The following RIN3 variants were observed in gnomAD, a reference collection of about 807,000 sequenced individuals.
The protein encoded by RIN3 is Ras and Rab interactor 3, also known as RAB5 interacting protein 3.
Under a neutral mutation model 76.3 loss-of-function variants are expected in RIN3, and 54 were observed. That is an observed-to-expected ratio of 0.71 (90% CI 0.57 to 0.89). The LOEUF is 0.89. Among genes scored for constraint, RIN3 ranks in the 40% least tolerant of loss-of-function variants. The pLI, the probability that RIN3 is intolerant of heterozygous loss-of-function variation, is 0.00. For synonymous variants in RIN3, 576 were observed against 564.0 expected (o/e 1.02, Z -0.30); for missense variants, 1,256 against 1,322.1 (o/e 0.95, Z 0.78).
chr14:92,559,489 T>C (rs542371955), intron 2 of RIN3, among the ~76,000 whole-genome samples: 2 of 152,338 alleles, frequency 1.3e-5, no homozygotes, highest in East Asian at 1.9e-4. Flanking sequence ...ATATGAGCCA[T>C]GTTTATAAAG....
chr14:92,556,035 C>T, intron 2 of RIN3, 80 bp downstream of exon 2: 1 of 1,155,356 alleles, frequency 8.7e-7, no homozygotes, highest in Non-Finnish European at 1.3e-6. Flanking sequence ...CCCTGGCTCC[C>T]ACAGGGAAGC....
At chr14:92,658,793 C>T (rs1887766892) in intron 6 of RIN3, among the ~76,000 whole-genome samples, 1 of 152,152 alleles carries the variant, frequency 6.6e-6, no homozygotes, top group African/African-American at 2.4e-5. Flanking sequence ...GCATTCAGGC[C>T]ATCAGCATAC....
intron 5 of RIN3, among the ~76,000 whole-genome samples, chr14:92,647,636 G>T (rs574677176): frequency 6.6e-6 from 1 of 152,246 alleles, no homozygotes; most frequent in South Asian, 2.1e-4. Context: ...TCTTTGGGAT[G>T]CCACATGAAT....
intron 8 of RIN3, among the ~76,000 whole-genome samples, chr14:92,683,889 A>G (rs998231445): frequency 1.3e-5 from 2 of 152,232 alleles, no homozygotes; most frequent in African/African-American, 4.8e-5. Context: ...ATTCTAAAGC[A>G]TATCAAAGTT....
chr14:92,540,921 A>G (rs1405303847), intron 1 of RIN3, among the ~76,000 whole-genome samples: 1 of 152,248 alleles, frequency 6.6e-6, no homozygotes, highest in Non-Finnish European at 1.5e-5. Context: ...TCTCCCAGGC[A>G]GAGCCCCTGG....
At chr14:92,523,015 T>C (rs1896640059) in intron 1 of RIN3, among the ~76,000 whole-genome samples, 1 of 152,182 alleles carries the variant, frequency 6.6e-6, no homozygotes, top group Admixed American at 6.5e-5. Flanking sequence ...AACAATATAT[T>C]ATAGTAAGGG....
chr14:92,624,102 G>A (rs1194730216), intron 4 of RIN3, among the ~76,000 whole-genome samples: 2 of 152,252 alleles, frequency 1.3e-5, no homozygotes, highest in African/African-American at 4.8e-5. Context: ...TTTAGACTGC[G>A]AACGGAATAT....
At chr14:92,519,903 C>T (rs1345965408) in intron 1 of RIN3, among the ~76,000 whole-genome samples, 1 of 152,180 alleles carries the variant, frequency 6.6e-6, no homozygotes, top group Non-Finnish European at 1.5e-5. Flanking sequence ...GTGGTGTCAG[C>T]GTTTATACAA....
chr14:92,602,093 G>A (rs1335133542), intron 3 of RIN3, among the ~76,000 whole-genome samples: 1 of 152,236 alleles, frequency 6.6e-6, no homozygotes, highest in Admixed American at 6.5e-5. Flanking sequence ...TGTGAAGCAT[G>A]CGAGATGGTC....
intron 7 of RIN3, 44 bp from the exon 8 acceptor site, chr14:92,676,431 G>A: frequency 1.2e-6 from 2 of 1,602,628 alleles, no homozygotes; most frequent in Non-Finnish European, 1.7e-6. Flanking sequence ...ATCTCACAAG[G>A]AGAGCCTGGA....
At chr14:92,644,421 A>T (rs1462698026) in intron 5 of RIN3, 14 of 143,280 alleles carry the variant, frequency 9.8e-5, no homozygotes, top group African/African-American at 2.3e-4. Context: ...TTTTTTTTTT[A>T]AAGGCGATGT....
chr14:92,573,759 G>T (rs1216433379), intron 2 of RIN3, among the ~76,000 whole-genome samples: 1 of 152,186 alleles, frequency 6.6e-6, no homozygotes, highest in Non-Finnish European at 1.5e-5. Flanking sequence ...CTCACACACT[G>T]CTGGTTCCCA....
intron 3 of RIN3, among the ~76,000 whole-genome samples, chr14:92,589,545 G>T (rs1884905010): frequency 6.6e-6 from 1 of 152,128 alleles, no homozygotes; most frequent in Non-Finnish European, 1.5e-5. Context: ...GAACCCAGTG[G>T]ATCCAAATTA....
At chr14:92,583,876 C>T (rs1033553985) in intron 3 of RIN3, among the ~76,000 whole-genome samples, 1 of 152,166 alleles carries the variant, frequency 6.6e-6, no homozygotes, top group Non-Finnish European at 1.5e-5. Context: ...CATAAGGAGC[C>T]TGCAACCGGG....
intron 2 of RIN3, among the ~76,000 whole-genome samples, chr14:92,561,282 C>T (rs1345216702): frequency 2.6e-5 from 4 of 150,996 alleles, no homozygotes; most frequent in East Asian, 3.9e-4. Flanking sequence ...TTGTGTCTAG[C>T]GCTGGTGCTC....
At chr14:92,640,762 G>T (rs921504426) in intron 4 of RIN3, among the ~76,000 whole-genome samples, 25 of 148,074 alleles carry the variant, frequency 1.7e-4, no homozygotes, top group Non-Finnish European at 3.1e-4. Flanking sequence ...CTGACTGTGT[G>T]TTCATCGGGG....
chr14:92,572,955 C>G (rs902845962), intron 2 of RIN3, among the ~76,000 whole-genome samples: 1 of 143,656 alleles, frequency 7.0e-6, no homozygotes, highest in Non-Finnish European at 1.5e-5. Context: ...AATCTTGGCT[C>G]ACTGCAACCT....
intron 3 of RIN3, among the ~76,000 whole-genome samples, chr14:92,598,132 G>T (rs1451606451): frequency 1.3e-5 from 2 of 152,164 alleles, no homozygotes; most frequent in African/African-American, 4.8e-5. Flanking sequence ...AGAACTGACA[G>T]CTTCTGCCTG....
At chr14:92,583,565 A>G (rs1316830760) in intron 3 of RIN3, among the ~76,000 whole-genome samples, 1 of 152,292 alleles carries the variant, frequency 6.6e-6, no homozygotes, top group Non-Finnish European at 1.5e-5. Flanking sequence ...AAAGAAAAAA[A>G]GATGAAAAAT....
Sources: gnomAD v4.1 joint callset for allele counts (sites outside exome capture counted in the v4.1 genomes callset) on GRCh38, gnomAD v4.1.1 for gene constraint, MANE v1.5 for transcripts, NCBI Gene and HGNC (gene_info 2026-07-23, HGNC 2026-07-21) for gene names.